The following PDE7A variants were observed in gnomAD, a reference collection of about 807,000 sequenced individuals.
PDE7A encodes the protein phosphodiesterase 7A.
PDE7A carries 39 observed loss-of-function variants against 64.3 expected under a neutral mutation model. The observed-to-expected ratio is 0.61, with a 90% CI of 0.47 to 0.79. PDE7A has a LOEUF of 0.79. Ranked by LOEUF, PDE7A falls within the 30% of genes least tolerant of loss-of-function variation. PDE7A has a pLI of 0.00. For synonymous variants in PDE7A, 203 were observed against 206.8 expected, an observed-to-expected ratio of 0.98 and a Z score of 0.16; for missense variants, 470 against 582.8, an observed-to-expected ratio of 0.81 and a Z score of 1.99.
chr8:65,800,033 CAAG>C, intron 1 of PDE7A, among the ~76,000 whole-genome samples: 1 of 152,180 alleles, frequency 6.6e-6, no homozygotes, highest in Non-Finnish European at 1.5e-5. Flanking sequence ...CTAACTAGAA[CAAG>C]AAGGTAATAG....
chr8:65,785,425 A>G (rs1330507448), intron 1 of PDE7A, among the ~76,000 whole-genome samples: 1 of 152,190 alleles, frequency 6.6e-6, no homozygotes, highest in African/African-American at 2.4e-5. Flanking sequence ...TATAGACTAC[A>G]CTTCTGGCAT....
At chr8:65,823,347 A>G (rs982355731) in intron 1 of PDE7A, among the ~76,000 whole-genome samples, 7 of 152,176 alleles carry the variant, frequency 4.6e-5, no homozygotes, top group African/African-American at 1.7e-4. Context: ...CAGGTAATCT[A>G]TGTTCTGCTT....
intron 1 of PDE7A, among the ~76,000 whole-genome samples, chr8:65,820,926 TA>T (rs1810527227): frequency 6.6e-6 from 1 of 152,168 alleles, no homozygotes; most frequent in South Asian, 2.1e-4. Flanking sequence ...ATATAAATAA[TA>T]AAACAGTGAA....
intron 1 of PDE7A, among the ~76,000 whole-genome samples, chr8:65,816,627 CACAG>C (rs1183669465): frequency 6.6e-6 from 1 of 152,224 alleles, no homozygotes; most frequent in Non-Finnish European, 1.5e-5. Context: ...TAGACTTCTT[CACAG>C]ACAGTTTTCT....
chr8:65,741,642 C>T (rs1807441258), intron 5 of PDE7A, among the ~76,000 whole-genome samples: 1 of 152,170 alleles, frequency 6.6e-6, no homozygotes, highest in Admixed American at 6.5e-5. Flanking sequence ...TCCTGATATG[C>T]TCTATTGGTA....
chr8:65,796,534 A>G (rs1585924955), intron 1 of PDE7A, among the ~76,000 whole-genome samples: 1 of 151,132 alleles, frequency 6.6e-6, no homozygotes, highest in South Asian at 2.1e-4. Flanking sequence ...AGGAATCTAA[A>G]GCTGATTTAG....
rs1187731284 is a variant in PDE7A at position 65,716,218 on chromosome 8, T to G, written c.*3072A>C. Among the ~76,000 whole-genome samples the G allele has an allele frequency of 6.7e-6, 1 of 150,356 alleles. No individual in the cohort carries two copies. Among genetic ancestry groups the G allele is most frequent in the Non-Finnish European group, 1.5e-5 (1 of 67,710 alleles). On this transcript the variant is annotated 3_prime_UTR_variant, in exon 13 of 13. Coordinates refer to ENST00000401827, the MANE Select transcript of PDE7A (RefSeq NM_001242318.3). ...TATACATAATAAAACAACTTTTCAA[T>G]GGGTTTATTATATGTGTAGGCAGGA... is the stretch of plus-strand genomic sequence containing the variant.
chr8:65,752,565 G>GGCC (rs1301482576), intron 3 of PDE7A, among the ~76,000 whole-genome samples: 4 of 152,146 alleles, frequency 2.6e-5, no homozygotes, highest in South Asian at 4.1e-4. Flanking sequence ...ATTTTTGTAT[G>GGCC]GCCGCCCACA....
intron 3 of PDE7A, among the ~76,000 whole-genome samples, chr8:65,754,089 A>G (rs1038474403): frequency 2.0e-5 from 3 of 152,156 alleles, no homozygotes; most frequent in African/African-American, 7.2e-5. Context: ...AAGGAAAGCA[A>G]GTCTGAGTCC....
intron 1 of PDE7A, among the ~76,000 whole-genome samples, chr8:65,835,217 G>T (rs1486032419): frequency 1.3e-5 from 2 of 152,162 alleles, no homozygotes; most frequent in African/African-American, 4.8e-5. Flanking sequence ...AAAATGAATT[G>T]GAGTTTTTTG....
intron 12 of PDE7A, chr8:65,722,053 A>G (rs975528551): frequency 6.6e-6 from 1 of 152,148 alleles, no homozygotes; most frequent in Non-Finnish European, 1.5e-5. Flanking sequence ...GGCTTCCCAA[A>G]GTGCTGGGTT....
chr8:65,810,146 AC>A (rs200595308), intron 1 of PDE7A, among the ~76,000 whole-genome samples: 8,685 of 152,276 alleles, frequency 0.057, 354 homozygotes, highest in Middle Eastern at 0.11. Flanking sequence ...GCACATATAC[AC>A]CATGGAATAC....
intron 1 of PDE7A, among the ~76,000 whole-genome samples, chr8:65,783,293 A>C (rs1265203439): frequency 6.6e-6 from 1 of 152,132 alleles, no homozygotes; most frequent in Non-Finnish European, 1.5e-5. Flanking sequence ...CTCCTGCTCA[A>C]AATCCTCCAA....
At chr8:65,757,898 T>G (rs1399859754) in intron 3 of PDE7A, among the ~76,000 whole-genome samples, 1 of 152,212 alleles carries the variant, frequency 6.6e-6, no homozygotes, top group Non-Finnish European at 1.5e-5. Flanking sequence ...ATTACAGGTG[T>G]GAGCCACCAC....
chr8:65,789,611 T>C (rs117336177), intron 1 of PDE7A, among the ~76,000 whole-genome samples: 1,681 of 152,342 alleles, frequency 0.011, 23 homozygotes, highest in Non-Finnish European at 0.018. Flanking sequence ...ATTAAGGACA[T>C]ATTATTTTCA....
chr8:65,776,882 G>GA (rs1470798920), intron 3 of PDE7A, among the ~76,000 whole-genome samples: 1 of 151,954 alleles, frequency 6.6e-6, no homozygotes, highest in Non-Finnish European at 1.5e-5. Flanking sequence ...CAGAACCTCT[G>GA]AAACAATACT....
intron 1 of PDE7A, among the ~76,000 whole-genome samples, chr8:65,790,480 A>G (rs1364959423): frequency 6.6e-6 from 1 of 152,216 alleles, no homozygotes; most frequent in African/African-American, 2.4e-5. Flanking sequence ...TCTGATTATC[A>G]ATGTACACAA....
chr8:65,816,823 T>A (rs951238187), intron 1 of PDE7A, among the ~76,000 whole-genome samples: 12 of 152,216 alleles, frequency 7.9e-5, no homozygotes, highest in Non-Finnish European at 1.3e-4. Context: ...TGGGTCTCTT[T>A]GTATTAATCC....
At chr8:65,730,157 C>T (rs35901892) in intron 7 of PDE7A, among the ~76,000 whole-genome samples, 10,610 of 135,904 alleles carry the variant, frequency 0.078, 487 homozygotes, top group African/African-American at 0.096. Context: ...GTGAGGGATC[C>T]AGGTTGCGCA....
Sources: allele counts gnomAD v4.1 joint callset (sites outside exome capture counted in the v4.1 genomes callset), GRCh38; gene constraint gnomAD v4.1.1; transcripts MANE v1.5; gene names NCBI Gene and HGNC (gene_info 2026-07-23, HGNC 2026-07-21).